USP6NL: variants seen among roughly 807,000 people sequenced by gnomAD.
USP6NL encodes USP6 N-terminal like.
USP6NL carries 26 observed loss-of-function variants against 61.9 expected under a neutral mutation model. The ratio of observed to expected loss-of-function variants is 0.42; its 90% CI spans 0.31 to 0.58. The LOEUF is 0.58. USP6NL is among the 20% of genes least tolerant of loss of function. USP6NL has a pLI of 0.16. For missense variants in USP6NL, 1,114 were observed against 1,034.3 expected, an observed-to-expected ratio of 1.08 and a Z score of -1.06; for synonymous variants, 432 against 390.1, an observed-to-expected ratio of 1.11 and a Z score of -1.27.
chr10:11,571,247 C>G (rs900633510), intron 2 of USP6NL, among the ~76,000 whole-genome samples: 2 of 152,186 alleles, frequency 1.3e-5, no homozygotes, highest in Admixed American at 6.5e-5. Flanking sequence ...CCACGCCCGG[C>G]TAATTTTGTG....
chr10:11,463,023 G>GA lies in USP6NL; in HGVS notation c.1904_1905insT (p.Val637ArgfsTer23), dbSNP rs773665569. 6 of 1,613,856 alleles carry GA rather than the reference G, an allele frequency of 3.7e-6. No individual in the cohort carries two copies. The highest frequency in any genetic ancestry group is 5.1e-6 in the Non-Finnish European group (6 of 1,179,882). On this transcript the variant is annotated frameshift_variant, in exon 15 of 15. Coordinates refer to ENST00000609104, the MANE Select transcript of USP6NL (RefSeq NM_014688.5). LOFTEE classifies it low-confidence loss of function (END_TRUNC). The surrounding 1 kb of genome is among the most constrained non-coding windows in gnomAD (Gnocchi z 6.3). ...TGGGAGAGTTTCCGTGGTAAACGGG[G>GA]GGATTGCTGTAGGAGGGGGGATGAG... is the stretch of plus-strand genomic sequence containing the variant.
chr10:11,515,917 TTAAGA>T (rs1334403266), intron 5 of USP6NL, among the ~76,000 whole-genome samples: 3 of 152,178 alleles, frequency 2.0e-5, no homozygotes, highest in Non-Finnish European at 2.9e-5. Context: ...CTACATTAAA[TTAAGA>T]TTTTTTTGAT....
rs1591837619 is a variant in USP6NL at position 11,491,000 on chromosome 10, T to C, written c.495-120A>G. 16 of 831,638 alleles carry C rather than the reference T, an allele frequency of 1.9e-5. No individual in the cohort carries two copies. Among genetic ancestry groups the C allele is most frequent in the East Asian group, 3.0e-5 (1 of 33,830 alleles). 51.5% of individuals were successfully genotyped at this position (831,638 alleles called of 1,614,324 possible). A position where few individuals can be genotyped will look rare whatever the true frequency, so the allele number is the denominator to read the frequency against. On this transcript the variant is annotated intron_variant, in intron 8 of 14. Transcript: ENST00000609104. The surrounding 1 kb of genome is among the most constrained non-coding windows in gnomAD (Gnocchi z 4.5). ...CAGATAATCCAGATAAAATTACTAA[T>C]GTAATAAATTATCCCAAGTTCAAAT...
chr10:11,482,219 A>G lies in USP6NL; in HGVS notation c.926-297T>C, dbSNP rs1037316004. Among the ~76,000 whole-genome samples the G allele has an allele frequency of 2.6e-5, 4 of 152,348 alleles. No homozygotes were observed. Among genetic ancestry groups the G allele is most frequent in the South Asian group, 2.1e-4 (1 of 4,828 alleles). ...CTAGGCATTAGTATTACCCCAGAGCAAGAGCTTCTTAGAGACAGACACAGA... is the reference window on the plus strand; with the variant it reads ...CTAGGCATTAGTATTACCCCAGAGCGAGAGCTTCTTAGAGACAGACACAGA... On this transcript the variant is annotated intron_variant, in intron 13 of 14. Transcript: ENST00000609104. The surrounding 1 kb of genome is among the most constrained non-coding windows in gnomAD (Gnocchi z 4.0).
intron 14 of USP6NL, among the ~76,000 whole-genome samples, chr10:11,477,119 G>A (rs1431941059): frequency 1.3e-5 from 2 of 152,132 alleles, no homozygotes; most frequent in African/African-American, 4.8e-5. Context: ...TGATCTGCCC[G>A]CCTTGGCCTT....
chr10:11,518,555 G>C lies in USP6NL; in HGVS notation c.175C>G (p.His59Asp). The change falls in exon 5 of 15, where the codon CAT becomes GAT. Residue 59 changes from histidine (H) to aspartate (D), a missense_variant. Coordinates refer to ENST00000609104, the MANE Select transcript of USP6NL (RefSeq NM_014688.5). The surrounding 1 kb of genome is among the most constrained non-coding windows in gnomAD (Gnocchi z 5.3). ...GFLHEEELPD[H>D]NVAVERQKHL... ...CTTACCCGTTCCACAGCCACATTAT[G>C]ATCTGGGAGCTCCTCCTCACTGCAG... 4 of 1,612,894 alleles carry C rather than the reference G, an allele frequency of 2.5e-6. No individual in the cohort carries two copies. Among genetic ancestry groups the C allele is most frequent in the Non-Finnish European group, 3.4e-6 (4 of 1,179,544 alleles).
intron 2 of USP6NL, among the ~76,000 whole-genome samples, chr10:11,576,291 G>C (rs1297039429): frequency 1.3e-5 from 2 of 152,188 alleles, no homozygotes; most frequent in Non-Finnish European, 2.9e-5. Context: ...AGGCATGGTG[G>C]AGCAGTGGGA....
chr10:11,483,549 A>C (rs1019596312), intron 13 of USP6NL, among the ~76,000 whole-genome samples: 1 of 39,110 alleles, frequency 2.6e-5, no homozygotes, highest in Non-Finnish European at 4.8e-5. Flanking sequence ...AGAGAGAGGG[A>C]GGGAGGGAGG....
chr10:11,565,777 G>A (rs1837126745), intron 2 of USP6NL: 1 of 152,200 alleles, frequency 6.6e-6, no homozygotes, highest in Non-Finnish European at 1.5e-5. Context: ...ATATGGACAG[G>A]AGTGGAGAGG....
chr10:11,591,348 T>C lies in USP6NL; in HGVS notation c.4+6283A>G, dbSNP rs1422174836. ...TTGATTTACATATAAAATTTATCTA[T>C]ATTATGCAATACGTTGTAGATCTAA... On this transcript the variant is annotated intron_variant, in intron 2 of 14. Transcript: ENST00000609104. This position sits in a 1 kb window ranked among gnomAD's most constrained non-coding sequence, Gnocchi z 4.7. Among the ~76,000 whole-genome samples, 6 of 152,198 alleles carry C rather than the reference T, an allele frequency of 3.9e-5. No individual in the cohort carries two copies. The highest frequency in any genetic ancestry group is 8.8e-5 in the Non-Finnish European group (6 of 68,030).
At chr10:11,539,919 G>T (rs767608445) in intron 2 of USP6NL, among the ~76,000 whole-genome samples, 1 of 152,202 alleles carries the variant, frequency 6.6e-6, no homozygotes, top group African/African-American at 2.4e-5. Context: ...AGACTGAGGC[G>T]TGGAAATGTT....
intron 2 of USP6NL, among the ~76,000 whole-genome samples, chr10:11,538,712 T>C (rs1835933756): frequency 6.6e-6 from 1 of 152,238 alleles, no homozygotes; most frequent in South Asian, 2.1e-4. Context: ...ATTTATTCTA[T>C]TTCAAGATAG....
At chr10:11,539,283 A>G (rs1835957009) in intron 2 of USP6NL, among the ~76,000 whole-genome samples, 1 of 152,166 alleles carries the variant, frequency 6.6e-6, no homozygotes, top group Admixed American at 6.5e-5. Flanking sequence ...GGTCTAAGTC[A>G]AGCAGGCTAA....
At chr10:11,502,298 C>T (rs1834237055) in intron 6 of USP6NL, among the ~76,000 whole-genome samples, 1 of 152,060 alleles carries the variant, frequency 6.6e-6, no homozygotes, top group African/African-American at 2.4e-5. Flanking sequence ...CATCAACTCC[C>T]TCCATCCTTG....
At chr10:11,501,262 G>C (rs1040631129) in intron 6 of USP6NL, 54 bp from the exon 7 acceptor site, 24 of 1,326,832 alleles carry the variant, frequency 1.8e-5, no homozygotes, top group Non-Finnish European at 2.5e-5. Flanking sequence ...ACTTAGATTA[G>C]TCTCTACAGT....
intron 2 of USP6NL, among the ~76,000 whole-genome samples, chr10:11,555,245 G>A (rs543766678): frequency 3.3e-4 from 48 of 147,092 alleles, no homozygotes; most frequent in African/African-American, 6.5e-4. Context: ...GCAAAACCGC[G>A]TCTCTACTAA....
intron 14 of USP6NL, among the ~76,000 whole-genome samples, chr10:11,473,702 C>T (rs900166204): frequency 6.6e-6 from 1 of 152,126 alleles, no homozygotes; most frequent in African/African-American, 2.4e-5. Flanking sequence ...GGTACTTAAC[C>T]TTGAAGCCCA....
intron 6 of USP6NL, among the ~76,000 whole-genome samples, chr10:11,506,025 T>C (rs1032558344): frequency 5.9e-5 from 9 of 152,212 alleles, no homozygotes; most frequent in Non-Finnish European, 1.5e-5. Context: ...TCTACTTCCC[T>C]GACAGACACC....
chr10:11,500,698 A>G (rs1472420959), intron 7 of USP6NL, among the ~76,000 whole-genome samples: 2 of 152,194 alleles, frequency 1.3e-5, no homozygotes, highest in Non-Finnish European at 2.9e-5. Flanking sequence ...TGTTGGTTAA[A>G]CTGAATTCTG....
Sources: gnomAD v4.1 joint callset for allele counts (sites outside exome capture counted in the v4.1 genomes callset) on GRCh38, gnomAD v4.1.1 for gene constraint, Gnocchi (gnomAD v3.1) non-coding constraint, MANE v1.5 for transcripts, NCBI Gene and HGNC (gene_info 2026-07-23, HGNC 2026-07-21) for gene names.